The following THSD4 variants were observed in gnomAD, a reference collection of about 807,000 sequenced individuals.
THSD4 encodes the protein thrombospondin type 1 domain containing 4.
THSD4 carries 69 observed loss-of-function variants against 119.0 expected under a neutral mutation model. That is an observed-to-expected ratio of 0.58 (90% CI 0.48 to 0.71). The LOEUF is 0.71. Among genes scored for constraint, THSD4 ranks in the 30% least tolerant of loss-of-function variants. The pLI, the probability that THSD4 is intolerant of heterozygous loss-of-function variation, is 0.00. For synonymous variants in THSD4, 524 were observed against 540.4 expected (o/e 0.97, Z 0.42); for missense variants, 1,393 against 1,391.1 (o/e 1.00, Z -0.02).
At chr15:71,667,258 A>G (rs1021627827) in intron 8 of THSD4, among the ~76,000 whole-genome samples, 2 of 151,980 alleles carry the variant, frequency 1.3e-5, no homozygotes, top group African/African-American at 2.4e-5. Context: ...CCATTTGGGG[A>G]AAAAAAAGTT....
At chr15:71,535,035 A>G (rs774664304) in intron 7 of THSD4, among the ~76,000 whole-genome samples, 9 of 152,206 alleles carry the variant, frequency 5.9e-5, no homozygotes, top group Non-Finnish European at 8.8e-5. Context: ...TAGTATATTT[A>G]TATTCACAGG....
rs184370282 is a variant in THSD4 at position 71,713,599 on chromosome 15, C to T, written c.1358-14950C>T. Reference sequence around the variant, plus strand: ...GTGATATTTCACAATCCCCTCCCATCGCCATGACAACCAGGGTATCATTAG... The same window carrying T: ...GTGATATTTCACAATCCCCTCCCATTGCCATGACAACCAGGGTATCATTAG... On this transcript the variant is annotated intron_variant, in intron 8 of 17. Transcript: ENST00000261862. Among the ~76,000 whole-genome samples the T allele has an allele frequency of 1.0e-3, 159 of 152,284 alleles. 1 individual carries two copies. Among genetic ancestry groups the T allele is most frequent in the Admixed American group, 1.5e-3 (23 of 15,302 alleles).
intron 8 of THSD4, among the ~76,000 whole-genome samples, chr15:71,681,635 A>G (rs1453321778): frequency 1.3e-5 from 2 of 150,662 alleles, no homozygotes; most frequent in Non-Finnish European, 2.9e-5. Flanking sequence ...AGATGGTTCC[A>G]CTTAACTCTA....
chr15:71,727,547 AAAAAAAATATATATAT>A (rs1485154865), intron 8 of THSD4, among the ~76,000 whole-genome samples: 1 of 106,540 alleles, frequency 9.4e-6, no homozygotes, highest in African/African-American at 4.5e-5. Context: ...AAAAAAAAAA[AAAAAAAATATATATAT>A]ATATATATAT....
At chr15:71,543,651 G>T (rs1462679074) in intron 7 of THSD4, among the ~76,000 whole-genome samples, 2 of 152,222 alleles carry the variant, frequency 1.3e-5, no homozygotes, top group Non-Finnish European at 2.9e-5. Flanking sequence ...GAGTACATTT[G>T]AGGAATGCAA....
intron 6 of THSD4, among the ~76,000 whole-genome samples, chr15:71,349,041 T>G (rs763523684): frequency 9.9e-5 from 15 of 152,230 alleles, no homozygotes; most frequent in Non-Finnish European, 2.2e-4. Context: ...CCTATCTGTG[T>G]TCACAAGTCC....
At chr15:71,295,444 T>A (rs1453184718) in intron 6 of THSD4, among the ~76,000 whole-genome samples, 1 of 152,198 alleles carries the variant, frequency 6.6e-6, no homozygotes, top group Non-Finnish European at 1.5e-5. Flanking sequence ...TAATGGGGAC[T>A]GACTCATTGA....
At position 71,777,507 on chromosome 15, in the gene THSD4, C is replaced by A; in HGVS notation, c.*133C>A. ...CCAACCAACTTAGTCACCACCCCTG[C>A]CTCCGGTGAATGCACCCCGTGGTAC... On this transcript the variant is annotated 3_prime_UTR_variant, in exon 18 of 18. Coordinates refer to ENST00000261862, the MANE Select transcript of THSD4 (RefSeq NM_024817.3). 2 of 1,274,506 alleles carry A rather than the reference C, an allele frequency of 1.6e-6. No homozygotes were observed. The highest frequency in any genetic ancestry group is 2.1e-6 in the Non-Finnish European group (2 of 942,268). The allele number at this position is 1,274,506 out of a possible 1,614,324, so 78.9% of individuals were successfully genotyped here.
At chr15:71,101,549 A>G (rs879696436) in intron 1 of THSD4, among the ~76,000 whole-genome samples, 2 of 152,020 alleles carry the variant, frequency 1.3e-5, no homozygotes, top group Non-Finnish European at 2.9e-5. Flanking sequence ...GTTTCCCTCG[A>G]TTTAATTTCC....
intron 7 of THSD4, among the ~76,000 whole-genome samples, chr15:71,416,949 C>G (rs1297289466): frequency 9.6e-6 from 1 of 104,530 alleles, no homozygotes; most frequent in Non-Finnish European, 2.1e-5. Context: ...TTAATAGAGT[C>G]GGGGTTTCAC....
chr15:71,245,455 A>G (rs2044191625), intron 5 of THSD4, among the ~76,000 whole-genome samples: 1 of 152,168 alleles, frequency 6.6e-6, no homozygotes, highest in South Asian at 2.1e-4. Flanking sequence ...AGGAGGACTC[A>G]TAAGACTTAG....
intron 2 of THSD4, among the ~76,000 whole-genome samples, chr15:71,144,384 G>A (rs9744595): frequency 0.029 from 4,347 of 152,268 alleles, 210 homozygotes; most frequent in African/African-American, 0.099. Flanking sequence ...TACTTGAAGC[G>A]TGAGAGGTCT....
At chr15:71,406,106 C>G (rs1243662080) in intron 6 of THSD4, among the ~76,000 whole-genome samples, 1 of 151,872 alleles carries the variant, frequency 6.6e-6, no homozygotes, top group Non-Finnish European at 1.5e-5. Flanking sequence ...TTCTAATTTT[C>G]CTGTGTTTTT....
At chr15:71,752,809 C>T (rs1411391211) in intron 14 of THSD4, among the ~76,000 whole-genome samples, 3 of 152,304 alleles carry the variant, frequency 2.0e-5, no homozygotes, top group Admixed American at 6.5e-5. Context: ...TTACCAGGGG[C>T]CTTTGGGCCA....
intron 6 of THSD4, among the ~76,000 whole-genome samples, chr15:71,359,870 AAG>A (rs2045869199): frequency 1.3e-5 from 2 of 152,070 alleles, no homozygotes; most frequent in Non-Finnish European, 2.9e-5. Context: ...GAGAAAGAAA[AAG>A]AGAAAGATGT....
intron 6 of THSD4, among the ~76,000 whole-genome samples, chr15:71,279,665 T>C (rs954941783): frequency 5.3e-5 from 8 of 151,940 alleles, no homozygotes; most frequent in African/African-American, 1.9e-4. Flanking sequence ...GCTAGTGGAG[T>C]ATCCTGCCTC....
rs147771731 is a variant in THSD4, at chr15:71,718,787, C to T, written c.1358-9762C>T. On this transcript the variant is annotated intron_variant, in intron 8 of 17. Transcript: ENST00000261862. ...CAATGCCCTTCCTTCATCCTCTGTC[C>T]GGTGACCCACTCCTCCCTGCAAATC... 2.9e-3 allele frequency among the ~76,000 whole-genome samples: 442 copies of T among 152,196 alleles called. 1 individual carries two copies. The highest frequency in any genetic ancestry group is 7.9e-3 in the Admixed American group (121 of 15,292).
intron 6 of THSD4, among the ~76,000 whole-genome samples, chr15:71,316,594 C>G (rs1250666259): frequency 6.6e-6 from 1 of 152,228 alleles, no homozygotes. Flanking sequence ...CCCATTGCTG[C>G]TAGGGAGGGG....
At position 71,755,690 on chromosome 15, in the gene THSD4, C is replaced by A. The variant is rs1467004052; in HGVS notation, c.2416-2212C>A. 2.1e-4 allele frequency among the ~76,000 whole-genome samples: 27 copies of A among 129,130 alleles called. No homozygotes were observed. In the Admixed American group the frequency reaches 2.4e-3, roughly 12 times the overall value. The allele number at this position is 129,130 out of a possible 152,430, so 84.7% of individuals were successfully genotyped here. On this transcript the variant is annotated intron_variant, in intron 14 of 17. Transcript: ENST00000261862. ...TTCGTTAGTTCCTGCTCTCACCAAG[C>A]CTGCTTCAGCAAAGACAAAAAAAAA...
Sources: allele counts gnomAD v4.1 joint callset (sites outside exome capture counted in the v4.1 genomes callset), GRCh38; gene constraint gnomAD v4.1.1; transcripts MANE v1.5; gene names NCBI Gene and HGNC (gene_info 2026-07-23, HGNC 2026-07-21).